The following NR3C2 variants were observed in gnomAD, a reference collection of about 807,000 sequenced individuals.
The protein encoded by NR3C2 is nuclear receptor subfamily 3 group C member 2.
Under a neutral mutation model 86.4 loss-of-function variants are expected in NR3C2, and 15 were observed. The observed-to-expected ratio is 0.17, with a 90% CI of 0.12 to 0.27. The LOEUF is 0.27. Among genes scored for constraint, NR3C2 ranks in the 10% least tolerant of loss-of-function variants. NR3C2 has a pLI of 1.00. For synonymous variants in NR3C2, 458 were observed against 450.5 expected (o/e 1.02, Z -0.21); for missense variants, 960 against 1,195.6 (o/e 0.80, Z 2.91).
chr4:148,325,152 C>CTGTG (rs1743895914), intron 2 of NR3C2, among the ~76,000 whole-genome samples: 2 of 120,312 alleles, frequency 1.7e-5, no homozygotes, highest in Admixed American at 8.0e-5. Flanking sequence ...GAGAGAGAGA[C>CTGTG]AGAGTGTGTG....
At chr4:148,145,195 C>T (rs1358015035) in intron 6 of NR3C2, among the ~76,000 whole-genome samples, 4 of 152,080 alleles carry the variant, frequency 2.6e-5, no homozygotes, top group Non-Finnish European at 5.9e-5. Context: ...GGCAAAATGG[C>T]GGAGTTCAGG....
At chr4:148,355,696 C>T (rs929936304) in intron 2 of NR3C2, among the ~76,000 whole-genome samples, 4 of 152,140 alleles carry the variant, frequency 2.6e-5, no homozygotes, top group Admixed American at 1.3e-4. Flanking sequence ...CAAATGTCAC[C>T]GAAACTGAGC....
At chr4:148,225,050 G>A (rs1026518672) in intron 3 of NR3C2, among the ~76,000 whole-genome samples, 1 of 152,156 alleles carries the variant, frequency 6.6e-6, no homozygotes, top group African/African-American at 2.4e-5. Flanking sequence ...AGGATGCCAT[G>A]TAAGAACTGG....
At chr4:148,209,472 G>C (rs1384886584) in intron 3 of NR3C2, among the ~76,000 whole-genome samples, 1 of 151,976 alleles carries the variant, frequency 6.6e-6, no homozygotes. Context: ...TGCGGGGTGG[G>C]TGGGAGGTAG....
chr4:148,143,598 T>G (rs1410315884), intron 6 of NR3C2, among the ~76,000 whole-genome samples: 1 of 152,216 alleles, frequency 6.6e-6, no homozygotes, highest in Non-Finnish European at 1.5e-5. Flanking sequence ...ACTTATTTCC[T>G]TCTCCCAAGA....
At chr4:148,346,028 C>T (rs1308413499) in intron 2 of NR3C2, among the ~76,000 whole-genome samples, 1 of 152,042 alleles carries the variant, frequency 6.6e-6, no homozygotes, top group Non-Finnish European at 1.5e-5. Flanking sequence ...GAGGAGAGGG[C>T]AGAATGCTCC....
intron 3 of NR3C2, among the ~76,000 whole-genome samples, chr4:148,215,847 T>C (rs1737507381): frequency 6.6e-6 from 1 of 150,516 alleles, no homozygotes; most frequent in Non-Finnish European, 1.5e-5. Flanking sequence ...TGGCTCGATC[T>C]CAGCTCACTG....
intron 4 of NR3C2, among the ~76,000 whole-genome samples, chr4:148,186,960 T>G (rs1735925180): frequency 7.0e-6 from 1 of 143,350 alleles, no homozygotes; most frequent in South Asian, 2.2e-4. Context: ...TTTTTATGTC[T>G]GCATAGTATT....
chr4:148,200,366 C>G (rs1450480833), intron 3 of NR3C2, among the ~76,000 whole-genome samples: 1 of 152,060 alleles, frequency 6.6e-6, no homozygotes, highest in East Asian at 1.9e-4. Context: ...ACACAGCCCC[C>G]TTCCCGCCTG....
intron 2 of NR3C2, among the ~76,000 whole-genome samples, chr4:148,285,705 C>CA (rs1164987660): frequency 1.3e-4 from 19 of 151,016 alleles, no homozygotes; most frequent in East Asian, 9.7e-4. Flanking sequence ...GACTCTGTCT[C>CA]AAAAAAAACA....
At chr4:148,380,946 A>G (rs1008932520) in intron 2 of NR3C2, among the ~76,000 whole-genome samples, 4 of 152,166 alleles carry the variant, frequency 2.6e-5, no homozygotes, top group Admixed American at 6.6e-5. Context: ...TTTATCCTGC[A>G]TTACTAAAAA....
intron 3 of NR3C2, 57 bp downstream of exon 3, chr4:148,259,921 A>G (rs1208072870): frequency 1.9e-6 from 3 of 1,604,542 alleles, no homozygotes; most frequent in Non-Finnish European, 2.6e-6. Context: ...TTAGCTGTAC[A>G]AGTAAACTAC....
At chr4:148,235,642 A>G (rs1330793211) in intron 3 of NR3C2, among the ~76,000 whole-genome samples, 1 of 152,180 alleles carries the variant, frequency 6.6e-6, no homozygotes, top group Non-Finnish European at 1.5e-5. Flanking sequence ...CTATAGGTGT[A>G]CAGTCTATTG....
At chr4:148,088,704 G>C (rs1032706240) in intron 8 of NR3C2, among the ~76,000 whole-genome samples, 3 of 151,456 alleles carry the variant, frequency 2.0e-5, no homozygotes, top group African/African-American at 7.3e-5. Context: ...TCACACACTG[G>C]GGCCTGTTGG....
At chr4:148,188,838 T>C (rs1736060323) in intron 4 of NR3C2, among the ~76,000 whole-genome samples, 1 of 152,136 alleles carries the variant, frequency 6.6e-6, no homozygotes, top group Non-Finnish European at 1.5e-5. Flanking sequence ...CTTTCAACTT[T>C]TCCCGATTCA....
chr4:148,225,855 C>T (rs1257946900), intron 3 of NR3C2, among the ~76,000 whole-genome samples: 1 of 152,136 alleles, frequency 6.6e-6, no homozygotes, highest in African/African-American at 2.4e-5. Flanking sequence ...ACATCTGGCA[C>T]TCGACTGTAT....
chr4:148,133,465 G>T lies in NR3C2; in HGVS notation c.2511-13177C>A, dbSNP rs1733130232. On this transcript the variant is annotated intron_variant, in intron 6 of 8. Coordinates refer to ENST00000358102, the MANE Select transcript of NR3C2 (RefSeq NM_000901.5). ...ATAAAATGGGGCTGCAAAAAGGTAG[G>T]ATTCCTTTACTTGATAACTTTGTTC... Among the ~76,000 whole-genome samples the T allele has an allele frequency of 2.0e-5, 3 of 152,170 alleles. 1 individual carries two copies. The South Asian group carries it at 6.2e-4, about 32-fold the overall frequency.
At chr4:148,396,818 T>C (rs1293277836) in intron 2 of NR3C2, among the ~76,000 whole-genome samples, 5 of 152,190 alleles carry the variant, frequency 3.3e-5, no homozygotes, top group African/African-American at 1.2e-4. Context: ...TTTCATTAAC[T>C]TACTAAACTT....
chr4:148,405,874 T>A (rs1560714269), intron 2 of NR3C2, among the ~76,000 whole-genome samples: 1 of 152,236 alleles, frequency 6.6e-6, no homozygotes, highest in African/African-American at 2.4e-5. Context: ...CCAGGCGTAG[T>A]GGCTCACACC....
Sources: gnomAD v4.1 joint callset for allele counts (sites outside exome capture counted in the v4.1 genomes callset) on GRCh38, gnomAD v4.1.1 for gene constraint, MANE v1.5 for transcripts, NCBI Gene and HGNC (gene_info 2026-07-23, HGNC 2026-07-21) for gene names.